TRHR: variants seen among roughly 807,000 people sequenced by gnomAD.
TRHR encodes the protein thyrotropin releasing hormone receptor, also known as thyrotropin-releasing hormone receptor.
TRHR carries 14 observed loss-of-function variants against 28.0 expected under a neutral mutation model. The observed-to-expected ratio is 0.50, with a 90% confidence interval of 0.33 to 0.78. The LOEUF (loss-of-function observed/expected upper bound fraction) is 0.78. Ranked by LOEUF, TRHR falls within the 30% of genes least tolerant of loss-of-function variation. The pLI, the probability that TRHR is intolerant of heterozygous loss-of-function variation, is 0.02. For synonymous variants in TRHR, 176 were observed against 171.9 expected (o/e 1.02, Z -0.18); for missense variants, 438 against 469.5 (o/e 0.93, Z 0.62).
At chr8:109,096,245 A>G (rs1811589482) in intron 2 of TRHR, among the ~76,000 whole-genome samples, 1 of 152,208 alleles carries the variant, frequency 6.6e-6, no homozygotes, top group African/African-American at 2.4e-5. Context: ...AACACTGTTC[A>G]TCTTGCAAAC....
chr8:109,087,351 G>A, intron 1 of TRHR, 74 bp from the exon 2 acceptor site: 1 of 780,192 alleles, frequency 1.3e-6, no homozygotes. Context: ...GAGTGGAAGT[G>A]ACGGTTATTT....
chr8:109,118,709 C>T (rs1394788759), intron 2 of TRHR, among the ~76,000 whole-genome samples: 2 of 151,826 alleles, frequency 1.3e-5, no homozygotes, highest in Middle Eastern at 3.2e-3. Context: ...AGTTAAAGTC[C>T]TTAACAATAT....
At chr8:109,108,478 C>T (rs1293610573) in intron 2 of TRHR, among the ~76,000 whole-genome samples, 1 of 152,136 alleles carries the variant, frequency 6.6e-6, no homozygotes, top group Non-Finnish European at 1.5e-5. Context: ...TTACAGCTAG[C>T]AGCTCAGAGC....
intron 2 of TRHR, among the ~76,000 whole-genome samples, chr8:109,102,417 G>T (rs1439809614): frequency 4.6e-5 from 7 of 152,118 alleles, no homozygotes; most frequent in Non-Finnish European, 1.0e-4. Flanking sequence ...TTGTCAGAAA[G>T]GATTGTGCCT....
intron 2 of TRHR, among the ~76,000 whole-genome samples, chr8:109,105,459 T>C (rs1235080420): frequency 6.6e-6 from 1 of 152,180 alleles, no homozygotes; most frequent in Non-Finnish European, 1.5e-5. Flanking sequence ...CTTGCACATC[T>C]CTGAATCCCG....
At chr8:109,105,502 G>T (rs558428985) in intron 2 of TRHR, among the ~76,000 whole-genome samples, 1 of 152,222 alleles carries the variant, frequency 6.6e-6, no homozygotes, top group South Asian at 2.1e-4. Context: ...ACACAGCAAT[G>T]AACAAATATG....
intron 2 of TRHR, among the ~76,000 whole-genome samples, chr8:109,100,490 A>T (rs1056836903): frequency 6.6e-6 from 1 of 152,106 alleles, no homozygotes; most frequent in Non-Finnish European, 1.5e-5. Context: ...CCCTTCCAGC[A>T]TGTTATATTA....
At position 109,119,439 on chromosome 8, in the gene TRHR, C is replaced by T. The variant is rs147214548; in HGVS notation, c.1181C>T (p.Ser394Phe). Residue 394 changes from serine to phenylalanine, a missense_variant, in exon 3 of 3, where the codon TCC (serine) becomes TTC (phenylalanine). Coordinates refer to ENST00000518632, the MANE Select transcript of TRHR (RefSeq NM_003301.7). The part of the protein sequence containing the change: ...FDDTCLASEV[S>F]FSQS ...GACACCTGCTTGGCTTCTGAGGTATCCTTTAGCCAAAGTTGATTCATGAAT... is the reference window on the plus strand; with the variant it reads ...GACACCTGCTTGGCTTCTGAGGTATTCTTTAGCCAAAGTTGATTCATGAAT... The T allele has an allele frequency of 6.2e-7, 1 of 1,611,900 alleles. No individual in the cohort carries two copies. Among genetic ancestry groups the T allele is most frequent in the African/African-American group, 1.3e-5 (1 of 74,724 alleles).
chr8:109,087,670 C>G lies in TRHR; in HGVS notation c.158C>G (p.Thr53Ser). Residue 53 changes from threonine to serine, a missense_variant, in exon 2 of 3, where the codon ACC (threonine) becomes AGC (serine). Transcript: ENST00000518632. ...ATGGTAGTCCTGGTTGTCATGAGAA[C>G]CAAGCACATGAGGACCCCCACAAAC... ...NIMVVLVVMRTKHMRTPTNCY... is the reference protein window; with the variant it reads ...NIMVVLVVMRSKHMRTPTNCY... 1.2e-6 allele frequency: 2 copies of G among 1,614,074 alleles called. No individual in the cohort carries two copies. The highest frequency in any genetic ancestry group is 2.7e-5 in the African/African-American group (2 of 74,998).
intron 2 of TRHR, among the ~76,000 whole-genome samples, chr8:109,109,038 A>G (rs1482381278): frequency 6.6e-6 from 1 of 152,232 alleles, no homozygotes; most frequent in Non-Finnish European, 1.5e-5. Flanking sequence ...TCGAAGCAGA[A>G]CACTGAAATC....
Position 109,086,873 on chromosome 8 carries a change from C to G in TRHR, c.-99C>G, listed in dbSNP as rs548957375. ...CTACCCAGAAAATCAGGCAGCGCTA[C>G]AGAGGATAAGGTAAGAGAAGAAATT... On this transcript the variant is annotated 5_prime_UTR_variant, in exon 1 of 3. Transcript: ENST00000518632. 134 of 154,442 alleles carry G rather than the reference C, an allele frequency of 8.7e-4. No homozygotes were observed. The highest frequency in any genetic ancestry group is 1.7e-3 in the Non-Finnish European group (117 of 69,582). 9.6% of individuals were successfully genotyped at this position (154,442 alleles called of 1,614,324 possible). A position where few individuals can be genotyped will look rare whatever the true frequency, so the allele number is the denominator to read the frequency against.
chr8:109,102,973 C>T (rs112883865), intron 2 of TRHR, among the ~76,000 whole-genome samples: 7,765 of 152,096 alleles, frequency 0.051, 222 homozygotes, highest in South Asian at 0.079. Flanking sequence ...AAAACAGGTA[C>T]GATTTCATAT....
chr8:109,119,577 C>A lies in TRHR; in HGVS notation c.*122C>A. 2 of 1,195,466 alleles carry A rather than the reference C, an allele frequency of 1.7e-6. No homozygotes were observed. The highest frequency in any genetic ancestry group is 2.4e-6 in the Non-Finnish European group (2 of 847,334). The allele number at this position is 1,195,466 out of a possible 1,614,324, so 74.1% of individuals were successfully genotyped here. On this transcript the variant is annotated 3_prime_UTR_variant, in exon 3 of 3. Coordinates refer to ENST00000518632, the MANE Select transcript of TRHR (RefSeq NM_003301.7). ...GAGCAGATCAGTCTTTGTCAATGCT[C>A]TAACAAATTCTGGCCCTAGATACTT...
Position 109,087,879 on chromosome 8 carries a change from A to G in TRHR, c.367A>G (p.Arg123Gly). ...SCSITAFTIERYIAICHPIKA... is the reference protein window; with the variant it reads ...SCSITAFTIEGYIAICHPIKA... ...TTCAATAACAGCCTTTACCATTGAG[A>G]GGTACATAGCAATCTGTCACCCCAT... Residue 123 changes from arginine (R) to glycine (G), a missense_variant, in exon 2 of 3, where the codon AGG (arginine) becomes GGG (glycine). Transcript: ENST00000518632. 7.4e-6 allele frequency: 12 copies of G among 1,614,186 alleles called. No individual in the cohort carries two copies. Among genetic ancestry groups the G allele is most frequent in the Non-Finnish European group, 7.6e-6 (9 of 1,180,026 alleles).
intron 2 of TRHR, among the ~76,000 whole-genome samples, chr8:109,096,281 T>C (rs1420884229): frequency 6.6e-6 from 1 of 152,208 alleles, no homozygotes; most frequent in Non-Finnish European, 1.5e-5. Context: ...AAGTCATAAA[T>C]CAAATGATGC....
intron 2 of TRHR, among the ~76,000 whole-genome samples, chr8:109,097,197 T>G (rs1241738140): frequency 6.6e-6 from 1 of 152,082 alleles, no homozygotes; most frequent in Non-Finnish European, 1.5e-5. Flanking sequence ...ACAGAAGGCA[T>G]AGAGAGGCAG....
chr8:109,118,358 G>T (rs1301776102), intron 2 of TRHR, among the ~76,000 whole-genome samples: 1 of 151,842 alleles, frequency 6.6e-6, no homozygotes, highest in Non-Finnish European at 1.5e-5. Flanking sequence ...TTCTTTTCAT[G>T]CACTGTTACC....
chr8:109,100,309 G>A (rs779158412), intron 2 of TRHR, among the ~76,000 whole-genome samples: 5 of 152,104 alleles, frequency 3.3e-5, no homozygotes, highest in Non-Finnish European at 5.9e-5. Flanking sequence ...GGGCTAGGAT[G>A]GACCTCCAGG....
intron 2 of TRHR, among the ~76,000 whole-genome samples, chr8:109,089,189 A>G (rs1253645518): frequency 6.6e-6 from 1 of 152,056 alleles, no homozygotes; most frequent in African/African-American, 2.4e-5. Flanking sequence ...TGACAAACTT[A>G]GCTTGAAGTT....
Sources: allele counts gnomAD v4.1 joint callset (sites outside exome capture counted in the v4.1 genomes callset), GRCh38; gene constraint gnomAD v4.1.1; transcripts MANE v1.5; gene names NCBI Gene and HGNC (gene_info 2026-07-23, HGNC 2026-07-21).